RFTN2: variants seen among roughly 807,000 people sequenced by gnomAD.
RFTN2 encodes raftlin family member 2, also known as raftlin-2.
RFTN2 carries 34 observed loss-of-function variants against 52.7 expected under a neutral mutation model. That is an observed-to-expected ratio of 0.64 (90% CI 0.49 to 0.86). The LOEUF (loss-of-function observed/expected upper bound fraction) is 0.86. Ranked by LOEUF, RFTN2 falls within the 40% of genes least tolerant of loss-of-function variation. The pLI is 0.00. For synonymous variants in RFTN2, 203 were observed against 217.7 expected (o/e 0.93, Z 0.59); for missense variants, 536 against 600.1 (o/e 0.89, Z 1.12).
intron 7 of RFTN2, among the ~76,000 whole-genome samples, chr2:197,613,386 G>C (rs1228830803): frequency 6.6e-6 from 1 of 152,168 alleles, no homozygotes; most frequent in Non-Finnish European, 1.5e-5. Flanking sequence ...AAAAAGGTTA[G>C]ATGACTTGCC....
At chr2:197,638,880 G>A (rs2088613367) in intron 3 of RFTN2, among the ~76,000 whole-genome samples, 3 of 151,190 alleles carry the variant, frequency 2.0e-5, no homozygotes, top group Admixed American at 2.0e-4. Context: ...GCTGGTACCG[G>A]TTGTTCCTTT....
At chr2:197,618,055 C>CCCCTCCCCCTCT in intron 5 of RFTN2, 134 bp from the exon 6 acceptor site, 1 of 466,688 alleles carries the variant, frequency 2.1e-6, no homozygotes, top group Non-Finnish European at 3.4e-6. Context: ...TTGCCCCCTC[C>CCCCTCCCCCTCT]CCCTCCCCCT....
At chr2:197,672,635 T>TA (rs1300512760) in intron 1 of RFTN2, among the ~76,000 whole-genome samples, 4 of 152,182 alleles carry the variant, frequency 2.6e-5, no homozygotes, top group Non-Finnish European at 5.9e-5. Flanking sequence ...CTTTGATCCT[T>TA]AAAACAACTC....
intron 3 of RFTN2, among the ~76,000 whole-genome samples, chr2:197,640,659 G>A (rs933460174): frequency 1.3e-5 from 2 of 151,894 alleles, no homozygotes; most frequent in African/African-American, 4.8e-5. Context: ...AGATGAACCC[G>A]GTACCTCAGA....
intron 1 of RFTN2, among the ~76,000 whole-genome samples, chr2:197,673,928 G>A (rs1278614937): frequency 3.3e-5 from 5 of 152,174 alleles, no homozygotes; most frequent in African/African-American, 1.2e-4. Flanking sequence ...GAGAGTATGT[G>A]TCTGTCTCCT....
chr2:197,654,692 G>A (rs1308280664), intron 1 of RFTN2, among the ~76,000 whole-genome samples: 1 of 151,942 alleles, frequency 6.6e-6, no homozygotes, highest in African/African-American at 2.4e-5. Flanking sequence ...TTACAAAACT[G>A]GATAAAATAA....
intron 8 of RFTN2, among the ~76,000 whole-genome samples, chr2:197,586,681 C>T (rs2087604419): frequency 6.6e-6 from 1 of 152,180 alleles, no homozygotes; most frequent in African/African-American, 2.4e-5. Flanking sequence ...ACTGGAATAG[C>T]AGGCATTTCA....
chr2:197,622,303 ATTAT>A (rs1306144198), intron 5 of RFTN2, among the ~76,000 whole-genome samples: 1 of 152,046 alleles, frequency 6.6e-6, no homozygotes, highest in East Asian at 1.9e-4. Flanking sequence ...ATTTTTATTT[ATTAT>A]TTATTTATTT....
intron 5 of RFTN2, among the ~76,000 whole-genome samples, chr2:197,628,470 T>C (rs2088405566): frequency 6.6e-6 from 1 of 152,184 alleles, no homozygotes; most frequent in African/African-American, 2.4e-5. Context: ...TGTGGCTAAT[T>C]TTATTTTCAT....
At chr2:197,652,880 GA>G (rs1210925609) in intron 1 of RFTN2, among the ~76,000 whole-genome samples, 29 of 152,112 alleles carry the variant, frequency 1.9e-4, no homozygotes, top group Admixed American at 1.8e-3. Flanking sequence ...GGGGGCAGGG[GA>G]AATCCTGTGG....
chr2:197,582,356 G>A (rs2087524285), intron 8 of RFTN2, among the ~76,000 whole-genome samples: 2 of 152,102 alleles, frequency 1.3e-5, no homozygotes, highest in African/African-American at 4.8e-5. Context: ...CATTATTCTG[G>A]ATACCACAGC....
At position 197,611,903 on chromosome 2, in the gene RFTN2, T is replaced by G. The variant is rs2088067452; in HGVS notation, c.1154+3973A>C. 2.0e-5 allele frequency among the ~76,000 whole-genome samples: 3 copies of G among 152,224 alleles called. No homozygotes were observed. The South Asian group carries it at 6.2e-4, about 31-fold the overall frequency. On this transcript the variant is annotated intron_variant, in intron 7 of 8. Transcript: ENST00000295049. ...TCAATAAGGAGCAGGGTGTTCAGTT[T>G]CCATGTAGTTGTGCAGTTTTGAGTG...
chr2:197,591,946 C>T (rs541837459), intron 8 of RFTN2, among the ~76,000 whole-genome samples: 65 of 152,176 alleles, frequency 4.3e-4, no homozygotes, highest in Admixed American at 9.8e-4. Flanking sequence ...CTCCCTCCAC[C>T]CCTCCCTGCA....
intron 5 of RFTN2, among the ~76,000 whole-genome samples, chr2:197,628,576 A>G (rs1214411763): frequency 6.6e-6 from 1 of 151,828 alleles, no homozygotes; most frequent in African/African-American, 2.4e-5. Flanking sequence ...AAAATTTGAA[A>G]TGGCTTCAAC....
Position 197,571,584 on chromosome 2 carries a change from G to T in RFTN2, c.*424C>A. The T allele has an allele frequency of 7.7e-6, 1 of 129,242 alleles. No individual in the cohort carries two copies. 8.0% of individuals were successfully genotyped at this position (129,242 alleles called of 1,614,324 possible). ...GCTGTGTGTGTGTATGAGAGAGAGAGAAAAAAAAAGAGAGAGAGAGGTTAT... is the reference window on the plus strand; with the variant it reads ...GCTGTGTGTGTGTATGAGAGAGAGATAAAAAAAAAGAGAGAGAGAGGTTAT... On this transcript the variant is annotated 3_prime_UTR_variant, in exon 9 of 9. Coordinates refer to ENST00000295049, the MANE Select transcript of RFTN2 (RefSeq NM_144629.3).
rs2087321490 is a variant in RFTN2, at chr2:197,571,743, A to G, written c.*265T>C. 7 of 457,918 alleles carry G rather than the reference A, an allele frequency of 1.5e-5. No individual in the cohort carries two copies. The South Asian group carries it at 2.1e-4, about 14-fold the overall frequency. The allele number at this position is 457,918 out of a possible 1,614,324, so 28.4% of individuals were successfully genotyped here. A position where few individuals can be genotyped will look rare whatever the true frequency, so the allele number is the denominator to read the frequency against. On this transcript the variant is annotated 3_prime_UTR_variant, in exon 9 of 9. Coordinates refer to ENST00000295049, the MANE Select transcript of RFTN2 (RefSeq NM_144629.3). ...GTACATTCATGAGAAGCTGAAATAG[A>G]TTATTGTGTAATAACCGAATGGAAC...
intron 2 of RFTN2, 89 bp downstream of exon 2, chr2:197,646,394 A>T: frequency 9.5e-7 from 1 of 1,057,584 alleles, no homozygotes; most frequent in Non-Finnish European, 1.4e-6. Flanking sequence ...TGTGTCCTTT[A>T]TTCTCTGCCA....
At chr2:197,614,692 G>A (rs2106209208) in intron 7 of RFTN2, among the ~76,000 whole-genome samples, 1 of 152,302 alleles carries the variant, frequency 6.6e-6, no homozygotes, top group African/African-American at 2.4e-5. Flanking sequence ...CCTCCTGTAA[G>A]TGGTTTGAGC....
chr2:197,668,844 A>C (rs2089099377), intron 1 of RFTN2, among the ~76,000 whole-genome samples: 1 of 152,062 alleles, frequency 6.6e-6, no homozygotes, highest in African/African-American at 2.4e-5. Context: ...TCCCTCTGTT[A>C]GTTTCAGGGC....
Sources: gnomAD v4.1 joint callset for allele counts (sites outside exome capture counted in the v4.1 genomes callset) on GRCh38, gnomAD v4.1.1 for gene constraint, MANE v1.5 for transcripts, NCBI Gene and HGNC (gene_info 2026-07-23, HGNC 2026-07-21) for gene names.